The following METTL15 variants were observed in gnomAD, a reference collection of about 807,000 sequenced individuals.
The protein encoded by METTL15 is 12S rRNA N(4)-cytidine methyltransferase METTL15.
In METTL15, 34 loss-of-function variants were observed where a neutral mutation model predicts 38.3. The observed-to-expected ratio is 0.89, with a 90% CI of 0.68 to 1.18. The LOEUF is 1.18. Among genes scored for constraint, METTL15 ranks in the 50% most tolerant of loss-of-function variants. The pLI, the probability that METTL15 is intolerant of heterozygous loss-of-function variation, is 0.00. For missense variants in METTL15, 438 were observed against 498.4 expected, an observed-to-expected ratio of 0.88 and a Z score of 1.15; for synonymous variants, 162 against 170.9, an observed-to-expected ratio of 0.95 and a Z score of 0.41.
At chr11:28,192,558 ACTCCT>A (rs1851737416) in intron 3 of METTL15, among the ~76,000 whole-genome samples, 1 of 151,524 alleles carries the variant, frequency 6.6e-6, no homozygotes, top group South Asian at 2.1e-4. Flanking sequence ...GGAAATATTC[ACTCCT>A]CTACTATTTC....
At chr11:28,257,554 A>G (rs1193720185) in intron 4 of METTL15, among the ~76,000 whole-genome samples, 4 of 152,142 alleles carry the variant, frequency 2.6e-5, no homozygotes, top group Non-Finnish European at 5.9e-5. Context: ...TATTATCTAC[A>G]TCCTGTAGGC....
Position 28,449,838 on chromosome 11 carries a change from C to T in METTL15, c.*424+25474C>T, listed in dbSNP as rs577311244. 2.4e-4 allele frequency among the ~76,000 whole-genome samples: 37 copies of T among 152,220 alleles called. 1 individual carries two copies. Among genetic ancestry groups the T allele is most frequent in the African/African-American group, 5.3e-4 (22 of 41,542 alleles). On this transcript the variant is annotated intron_variant and NMD_transcript_variant, in intron 6 of 7. Coordinates refer to the METTL15 transcript ENST00000532947. ...GGATGAAAAGGGAGAAGAGCCCAGCCGAGATCAGCCTTCCAGCTGTTCCTG... is the reference window on the plus strand; with the variant it reads ...GGATGAAAAGGGAGAAGAGCCCAGCTGAGATCAGCCTTCCAGCTGTTCCTG...
At chr11:28,206,389 G>C (rs1391933862) in intron 3 of METTL15, among the ~76,000 whole-genome samples, 2 of 151,952 alleles carry the variant, frequency 1.3e-5, no homozygotes, top group Non-Finnish European at 2.9e-5. Context: ...TCTTGTTTTT[G>C]TCAGGTTTGT....
chr11:28,489,474 A>G (rs1217246463), intron 6 of METTL15, among the ~76,000 whole-genome samples: 1 of 152,136 alleles, frequency 6.6e-6, no homozygotes, highest in Non-Finnish European at 1.5e-5. Context: ...CATAATGGGG[A>G]ACACACATAA....
At chr11:28,253,210 C>T (rs1188453708) in intron 4 of METTL15, among the ~76,000 whole-genome samples, 10 of 152,246 alleles carry the variant, frequency 6.6e-5, no homozygotes, top group Admixed American at 4.6e-4. Context: ...GGCTGAAAAC[C>T]GAAAGATATT....
intron 3 of METTL15, among the ~76,000 whole-genome samples, chr11:28,194,202 T>TCG (rs1851822208): frequency 9.2e-6 from 1 of 108,204 alleles, no homozygotes; most frequent in Non-Finnish European, 1.9e-5. Flanking sequence ...CCTCTCTCTC[T>TCG]CTCTCTCTCT....
chr11:28,354,206 A>G (rs901122979), intron 4 of METTL15, among the ~76,000 whole-genome samples: 23 of 152,172 alleles, frequency 1.5e-4, no homozygotes, highest in Admixed American at 1.4e-3. Context: ...AAGCACTCCC[A>G]TAGAGCACAA....
At chr11:28,120,118 A>C (rs1401976883) in intron 3 of METTL15, among the ~76,000 whole-genome samples, 1 of 151,658 alleles carries the variant, frequency 6.6e-6, no homozygotes, top group Non-Finnish European at 1.5e-5. Context: ...CATCCAGCTA[A>C]TTTTTTTGTA....
At chr11:28,450,513 A>T (rs1851111360) in intron 6 of METTL15, among the ~76,000 whole-genome samples, 1 of 152,238 alleles carries the variant, frequency 6.6e-6, no homozygotes, top group African/African-American at 2.4e-5. Context: ...TCCTTTATAA[A>T]GGTAAAAGCT....
At chr11:28,162,192 A>G (rs1005559591) in intron 3 of METTL15, among the ~76,000 whole-genome samples, 20 of 152,126 alleles carry the variant, frequency 1.3e-4, no homozygotes, top group African/African-American at 4.8e-4. Flanking sequence ...ATAGAGGTTC[A>G]GGCAGCCAGG....
At chr11:28,394,119 G>A (rs1346690912) in intron 5 of METTL15, among the ~76,000 whole-genome samples, 1 of 152,044 alleles carries the variant, frequency 6.6e-6, no homozygotes, top group Non-Finnish European at 1.5e-5. Context: ...GTCATGTTTT[G>A]TCCAAAGATT....
intron 6 of METTL15, among the ~76,000 whole-genome samples, chr11:28,518,422 G>T (rs1461760498): frequency 6.6e-6 from 1 of 152,202 alleles, no homozygotes; most frequent in African/African-American, 2.4e-5. Flanking sequence ...TGGATCCTCT[G>T]AAAAGAATAT....
At chr11:28,275,779 A>G (rs1334784848) in intron 4 of METTL15, among the ~76,000 whole-genome samples, 6 of 152,070 alleles carry the variant, frequency 3.9e-5, no homozygotes, top group Non-Finnish European at 2.9e-5. Context: ...TTGGGATGCA[A>G]GAATGATTCC....
chr11:28,448,023 C>T (rs1446430015), intron 6 of METTL15, among the ~76,000 whole-genome samples: 1 of 151,938 alleles, frequency 6.6e-6, no homozygotes, highest in Non-Finnish European at 1.5e-5. Flanking sequence ...CCCCATGCCC[C>T]TTTCTGCTCA....
chr11:28,231,690 G>A (rs548385179), intron 4 of METTL15, among the ~76,000 whole-genome samples: 11 of 151,798 alleles, frequency 7.2e-5, no homozygotes, highest in Admixed American at 7.2e-4. Flanking sequence ...TCATGTCTAT[G>A]TGCTGTTTAT....
At chr11:28,138,306 CAT>C (rs939070759) in intron 3 of METTL15, among the ~76,000 whole-genome samples, 2 of 152,116 alleles carry the variant, frequency 1.3e-5, no homozygotes, top group African/African-American at 4.8e-5. Context: ...AAGTGTAAAA[CAT>C]AAAGGCCTTT....
intron 5 of METTL15, among the ~76,000 whole-genome samples, chr11:28,365,906 T>A (rs562480816): frequency 3.3e-4 from 50 of 151,768 alleles, no homozygotes; most frequent in African/African-American, 1.2e-3. Context: ...AAAAAATTAG[T>A]CGGGCGTGGT....
chr11:28,353,862 T>C (rs187362348), intron 4 of METTL15, among the ~76,000 whole-genome samples: 3,765 of 149,960 alleles, frequency 0.025, 164 homozygotes, highest in African/African-American at 0.088. Context: ...GAAGCGGAGC[T>C]TGCAGTGAGC....
Position 28,343,491 on chromosome 11 carries a change from G to C in METTL15, c.*190-8599G>C, listed in dbSNP as rs1033176445. On this transcript the variant is annotated intron_variant and NMD_transcript_variant, in intron 3 of 7. Coordinates refer to the METTL15 transcript ENST00000532947. ...AAGTTTGTTTCCTTCACTCACAAAC[G>C]AACTGTGGTGAATGACTCAGCACTG... Among the ~76,000 whole-genome samples the C allele has an allele frequency of 1.1e-4, 16 of 152,078 alleles. 1 individual carries two copies. Among genetic ancestry groups the C allele is most frequent in the African/African-American group, 2.9e-4 (12 of 41,410 alleles).
Sources: gnomAD v4.1 joint callset for allele counts (sites outside exome capture counted in the v4.1 genomes callset) on GRCh38, gnomAD v4.1.1 for gene constraint, MANE v1.5 for transcripts, NCBI Gene and HGNC (gene_info 2026-07-23, HGNC 2026-07-21) for gene names.